SMYD3: variants seen among roughly 807,000 people sequenced by gnomAD.
The protein encoded by SMYD3 is histone-lysine N-methyltransferase SMYD3.
Under a neutral mutation model 57.7 loss-of-function variants are expected in SMYD3, and 36 were observed. The ratio of observed to expected loss-of-function variants is 0.62; its 90% CI spans 0.48 to 0.82. The LOEUF (loss-of-function observed/expected upper bound fraction) is 0.82, where lower values mean the gene tolerates loss of function less well. Ranked by LOEUF, SMYD3 falls within the 40% of genes least tolerant of loss-of-function variation. SMYD3 has a pLI of 0.00. For missense variants in SMYD3, 515 were observed against 538.8 expected (o/e 0.96, Z 0.44); for synonymous variants, 211 against 195.0 (o/e 1.08, Z -0.68).
At chr1:246,174,496 G>C (rs1286265813) in intron 5 of SMYD3, among the ~76,000 whole-genome samples, 1 of 152,168 alleles carries the variant, frequency 6.6e-6, no homozygotes, top group African/African-American at 2.4e-5. Context: ...GCCCAGGTTG[G>C]AGTGCAGTGG....
At chr1:246,433,772 A>G (rs1246662725) in intron 1 of SMYD3, among the ~76,000 whole-genome samples, 1 of 152,230 alleles carries the variant, frequency 6.6e-6, no homozygotes, top group Non-Finnish European at 1.5e-5. Context: ...AGAAAAAATT[A>G]TTCTAAAATA....
chr1:246,185,825 G>A (rs557822225), intron 5 of SMYD3, among the ~76,000 whole-genome samples: 12 of 152,166 alleles, frequency 7.9e-5, no homozygotes, highest in African/African-American at 2.4e-4. Flanking sequence ...ATGTGCACAC[G>A]TATGCTAAAA....
At chr1:245,901,503 C>T (rs1237550001) in intron 8 of SMYD3, among the ~76,000 whole-genome samples, 1 of 152,160 alleles carries the variant, frequency 6.6e-6, no homozygotes, top group African/African-American at 2.4e-5. Flanking sequence ...TACTTTGTCT[C>T]TCCTTTCTCA....
chr1:246,286,857 A>T (rs2064576654), intron 5 of SMYD3, among the ~76,000 whole-genome samples: 1 of 151,494 alleles, frequency 6.6e-6, no homozygotes, highest in South Asian at 2.1e-4. Flanking sequence ...ACCTCAAGAT[A>T]TAATAAAAAA....
intron 5 of SMYD3, among the ~76,000 whole-genome samples, chr1:246,014,129 C>A (rs1347825798): frequency 6.6e-6 from 1 of 152,168 alleles, no homozygotes; most frequent in Admixed American, 6.5e-5. Flanking sequence ...TCGAGACCAG[C>A]CTGGCCAACA....
intron 5 of SMYD3, among the ~76,000 whole-genome samples, chr1:246,103,869 C>T (rs745551720): frequency 1.3e-5 from 2 of 152,238 alleles, no homozygotes; most frequent in Admixed American, 1.3e-4. Flanking sequence ...CATCTCTCCT[C>T]ATTTGTGCTC....
intron 5 of SMYD3, among the ~76,000 whole-genome samples, chr1:246,087,658 C>T (rs1573001447): frequency 1.3e-5 from 2 of 152,194 alleles, no homozygotes; most frequent in African/African-American, 2.4e-5. Flanking sequence ...AGCAACTCTA[C>T]GTGCAATAAC....
chr1:246,095,993 T>C (rs2147910725), intron 5 of SMYD3, among the ~76,000 whole-genome samples: 1 of 152,342 alleles, frequency 6.6e-6, no homozygotes, highest in African/African-American at 2.4e-5. Context: ...CAAAGACACC[T>C]TCTATCAAGC....
intron 5 of SMYD3, among the ~76,000 whole-genome samples, chr1:245,945,709 A>C (rs1479176374): frequency 6.6e-6 from 1 of 152,150 alleles, no homozygotes; most frequent in Non-Finnish European, 1.5e-5. Context: ...AAGACAAGGA[A>C]TTAAATGTCC....
intron 10 of SMYD3, among the ~76,000 whole-genome samples, chr1:245,838,524 C>T (rs1313234789): frequency 1.3e-5 from 2 of 152,220 alleles, no homozygotes; most frequent in East Asian, 3.9e-4. Context: ...AATGGGGACT[C>T]ATAATTTCTG....
intron 1 of SMYD3, among the ~76,000 whole-genome samples, chr1:246,431,069 A>G (rs768624609): frequency 6.6e-6 from 1 of 152,210 alleles, no homozygotes; most frequent in Non-Finnish European, 1.5e-5. Flanking sequence ...TAGTCCACAC[A>G]GGGAGGTCAG....
chr1:246,024,134 C>T (rs895094668), intron 5 of SMYD3, among the ~76,000 whole-genome samples: 2 of 152,156 alleles, frequency 1.3e-5, no homozygotes, highest in Non-Finnish European at 2.9e-5. Flanking sequence ...TTTTTTCATA[C>T]TCCATCAGAT....
chr1:246,342,340 G>A (rs1452661075), intron 2 of SMYD3, among the ~76,000 whole-genome samples: 1 of 152,094 alleles, frequency 6.6e-6, no homozygotes, highest in South Asian at 2.1e-4. Flanking sequence ...GAGCTGCCAC[G>A]CAACTTGCAG....
chr1:246,243,729 C>T (rs2148481906), intron 5 of SMYD3, among the ~76,000 whole-genome samples: 1 of 151,884 alleles, frequency 6.6e-6, no homozygotes, highest in Admixed American at 6.6e-5. Context: ...CATTCTAATT[C>T]TTGGAAAGAG....
At position 246,189,271 on chromosome 1, in the gene SMYD3, T is replaced by TG. The variant is rs1386937777; in HGVS notation, c.531+137929_531+137930insC. 3.9e-5 allele frequency among the ~76,000 whole-genome samples: 6 copies of TG among 152,282 alleles called. No individual in the cohort carries two copies. The South Asian group carries it at 1.2e-3, about 32-fold the overall frequency. On this transcript the variant is annotated intron_variant, in intron 5 of 11. Transcript: ENST00000490107. ...CAATGCACACTATTTCATCCAACTC[T>TG]TACAAATATCTAAAGAGATGCTATC...
intron 5 of SMYD3, among the ~76,000 whole-genome samples, chr1:246,197,156 C>T (rs2062839852): frequency 6.6e-6 from 1 of 152,110 alleles, no homozygotes; most frequent in South Asian, 2.1e-4. Context: ...CGAATACATA[C>T]TGATATAAAT....
chr1:245,766,640 C>G lies in SMYD3; in HGVS notation c.1077-2491G>C, dbSNP rs543659465. 6.6e-5 allele frequency among the ~76,000 whole-genome samples: 10 copies of G among 152,268 alleles called. No homozygotes were observed. The South Asian group carries it at 2.1e-3, about 32-fold the overall frequency. ...AGAGGGTAACTGCCCTGGACACTTT[C>G]CTTGAAAAGCACGCCTGGATTTGGG... is the stretch of plus-strand genomic sequence containing the variant. On this transcript the variant is annotated intron_variant, in intron 10 of 11. Coordinates refer to ENST00000490107, the MANE Select transcript of SMYD3 (RefSeq NM_001167740.2).
At chr1:246,166,965 G>A (rs1464908369) in intron 5 of SMYD3, among the ~76,000 whole-genome samples, 2 of 152,112 alleles carry the variant, frequency 1.3e-5, no homozygotes, top group East Asian at 1.9e-4. Context: ...AAGCCCTAGC[G>A]ACCATCAATC....
Position 246,094,553 on chromosome 1 carries a change from G to A in SMYD3, c.532-164616C>T, listed in dbSNP as rs527559574. Among the ~76,000 whole-genome samples, 7 of 152,204 alleles carry A rather than the reference G, an allele frequency of 4.6e-5. No homozygotes were observed. In the South Asian group the frequency reaches 6.2e-4, roughly 14 times the overall value. On this transcript the variant is annotated intron_variant, in intron 5 of 11. Transcript: ENST00000490107. ...TGATCTTCCAGAGAGCATGTCCCCC[G>A]CCTCGCCACCAACAGTCCATAACTT...
Sources: gnomAD v4.1 joint callset for allele counts (sites outside exome capture counted in the v4.1 genomes callset) on GRCh38, gnomAD v4.1.1 for gene constraint, MANE v1.5 for transcripts, NCBI Gene and HGNC (gene_info 2026-07-23, HGNC 2026-07-21) for gene names.